Variants in RCOR3 observed in about 807,000 individuals in gnomAD.
RCOR3 encodes REST corepressor 3.
A neutral mutation model predicts 64.1 loss-of-function variants in RCOR3; 13 were observed. The observed-to-expected ratio is 0.20, with a 90% CI of 0.13 to 0.32. The LOEUF (loss-of-function observed/expected upper bound fraction) is 0.32, where lower values mean the gene tolerates loss of function less well. Among genes scored for constraint, RCOR3 ranks in the 10% least tolerant of loss-of-function variants. RCOR3 has a pLI of 1.00. For missense variants in RCOR3, 489 were observed against 701.2 expected (o/e 0.70, Z 3.42); for synonymous variants, 215 against 239.0 (o/e 0.90, Z 0.93).
intron 9 of RCOR3, 25 bp downstream of exon 9, chr1:211,295,778 A>AT: frequency 1.3e-6 from 2 of 1,597,536 alleles, no homozygotes; most frequent in Non-Finnish European, 1.7e-6. Flanking sequence ...GATACATGTG[A>AT]TTAAGTATAG....
At chr1:211,288,547 TTATA>T (rs1241768761) in intron 7 of RCOR3, among the ~76,000 whole-genome samples, 11 of 147,038 alleles carry the variant, frequency 7.5e-5, no homozygotes, top group African/African-American at 2.7e-4. Context: ...ATAAAATTAT[TTATA>T]AATATTTTAT....
At chr1:211,263,579 TAG>T in intron 2 of RCOR3, among the ~76,000 whole-genome samples, 1 of 152,290 alleles carries the variant, frequency 6.6e-6, no homozygotes. Context: ...CATTTAAACT[TAG>T]GAGGGCTTTT....
rs1693969982 is a variant in RCOR3 at position 211,260,095 on chromosome 1, C to T, written c.167-13C>T. The T allele has an allele frequency of 1.3e-6, 2 of 1,590,558 alleles. No homozygotes were observed. Among genetic ancestry groups the T allele is most frequent in the Non-Finnish European group, 1.7e-6 (2 of 1,168,350 alleles). ...TTTATTTTTTATATATATTTTTTGG[C>T]ATTGCTTTGCAGATGTTGGGATGAG... On this transcript the variant is annotated splice_polypyrimidine_tract_variant and intron_variant, in intron 1 of 11. Transcript: ENST00000419091.
intron 8 of RCOR3, among the ~76,000 whole-genome samples, chr1:211,294,586 C>CTTTTTTTTT (rs35962546): frequency 1.1e-3 from 93 of 88,016 alleles, no homozygotes; most frequent in African/African-American, 1.2e-3. Flanking sequence ...TTCTTTCTTT[C>CTTTTTTTTT]TTTTTTTTTT....
At chr1:211,287,205 G>A (rs907173275) in intron 7 of RCOR3, among the ~76,000 whole-genome samples, 5 of 152,172 alleles carry the variant, frequency 3.3e-5, no homozygotes, top group Non-Finnish European at 5.9e-5. Flanking sequence ...CCAAGAGTGA[G>A]ATGGACATGG....
At position 211,274,383 on chromosome 1, in the gene RCOR3, A is replaced by G. The variant is rs577581624; in HGVS notation, c.354+121A>G. ...CTTGACCAGCTATTTTATAGATACCACAAAAGTCCTAGCAAAGAGTGACCT... is the reference window on the plus strand; with the variant it reads ...CTTGACCAGCTATTTTATAGATACCGCAAAAGTCCTAGCAAAGAGTGACCT... On this transcript the variant is annotated intron_variant, in intron 4 of 11. Transcript: ENST00000419091. 1.1e-5 allele frequency: 6 copies of G among 567,124 alleles called. No individual in the cohort carries two copies. In the South Asian group the frequency reaches 2.0e-4, roughly 19 times the overall value. 35.1% of individuals were successfully genotyped at this position (567,124 alleles called of 1,614,324 possible).
chr1:211,306,844 C>T (rs1700897311), intron 10 of RCOR3, among the ~76,000 whole-genome samples: 1 of 152,110 alleles, frequency 6.6e-6, no homozygotes, highest in South Asian at 2.1e-4. Flanking sequence ...TGTAATCAGT[C>T]ACTTTATTAT....
At chr1:211,261,147 T>C (rs747949194) in intron 2 of RCOR3, 2 of 152,212 alleles carry the variant, frequency 1.3e-5, no homozygotes, top group African/African-American at 2.4e-5. Flanking sequence ...GCCCATAATA[T>C]TGCGTTTGTG....
chr1:211,311,528 T>TA (rs1463273956), intron 10 of RCOR3, among the ~76,000 whole-genome samples: 5 of 152,178 alleles, frequency 3.3e-5, no homozygotes, highest in Non-Finnish European at 5.9e-5. Flanking sequence ...TACATCATGA[T>TA]AGTGCTTTAG....
chr1:211,310,265 C>G (rs1701347387), intron 10 of RCOR3, among the ~76,000 whole-genome samples: 1 of 152,098 alleles, frequency 6.6e-6, no homozygotes, highest in South Asian at 2.1e-4. Flanking sequence ...AATGAGACTG[C>G]CAAGGAGCTC....
chr1:211,305,913 A>G (rs888067581), intron 10 of RCOR3, among the ~76,000 whole-genome samples: 7 of 152,190 alleles, frequency 4.6e-5, no homozygotes, highest in African/African-American at 1.7e-4. Flanking sequence ...AGGTATATTC[A>G]GTATTATACT....
chr1:211,299,415 G>A (rs138054494), intron 9 of RCOR3, among the ~76,000 whole-genome samples: 1 of 152,188 alleles, frequency 6.6e-6, no homozygotes, highest in Non-Finnish European at 1.5e-5. Flanking sequence ...CCAGAAGGAA[G>A]AATAAGTGTA....
chr1:211,282,611 G>C (rs1571884460), intron 7 of RCOR3, among the ~76,000 whole-genome samples: 1 of 151,542 alleles, frequency 6.6e-6, no homozygotes, highest in Admixed American at 6.6e-5. Context: ...CAATTCTCCT[G>C]CCTCAGCCTC....
chr1:211,309,767 A>T (rs1488661438), intron 10 of RCOR3, among the ~76,000 whole-genome samples: 1 of 152,240 alleles, frequency 6.6e-6, no homozygotes, highest in Non-Finnish European at 1.5e-5. Context: ...GGACAGACTG[A>T]AACTCGGGTA....
Position 211,314,533 on chromosome 1 carries a change from T to G in RCOR3, c.*765T>G, listed in dbSNP as rs1159266388. On this transcript the variant is annotated 3_prime_UTR_variant, in exon 12 of 12. Transcript: ENST00000419091. ...GTAATGAGAGGATTGGAAGAATAAT[T>G]TTGCATACAAATGAGGACTTAATTT... The G allele has an allele frequency of 6.6e-6, 1 of 152,196 alleles. No individual in the cohort carries two copies. The highest frequency in any genetic ancestry group is 1.9e-4 in the East Asian group (1 of 5,204). The allele number at this position is 152,196 out of a possible 1,614,324, so 9.4% of individuals were successfully genotyped here.
chr1:211,275,895 A>G (rs1161036272), intron 4 of RCOR3, among the ~76,000 whole-genome samples: 1 of 152,168 alleles, frequency 6.6e-6, no homozygotes, highest in East Asian at 1.9e-4. Flanking sequence ...GTATGGATTT[A>G]TTGGAAATTT....
chr1:211,275,041 T>C (rs928560216), intron 4 of RCOR3, among the ~76,000 whole-genome samples: 1 of 151,126 alleles, frequency 6.6e-6, no homozygotes, highest in Non-Finnish European at 1.5e-5. Flanking sequence ...CTATTATATA[T>C]AATATACTAT....
At chr1:211,304,038 T>G (rs1204141423) in intron 9 of RCOR3, 45 bp from the exon 10 acceptor site, 1 of 1,386,600 alleles carries the variant, frequency 7.2e-7, no homozygotes, top group African/African-American at 1.5e-5. Flanking sequence ...TTGGAAAATG[T>G]CTGTCTTCAT....
intron 2 of RCOR3, among the ~76,000 whole-genome samples, chr1:211,270,548 CAA>C (rs11422589): frequency 1.4e-5 from 2 of 147,978 alleles, no homozygotes. Flanking sequence ...AGACATGGGG[CAA>C]AAAAAAAAAA....
Sources: gnomAD v4.1 joint callset for allele counts (sites outside exome capture counted in the v4.1 genomes callset) on GRCh38, gnomAD v4.1.1 for gene constraint, MANE v1.5 for transcripts, NCBI Gene and HGNC (gene_info 2026-07-23, HGNC 2026-07-21) for gene names.